Variants in PRPSAP2 observed in about 807,000 individuals in gnomAD.
PRPSAP2 encodes the protein phosphoribosyl pyrophosphate synthetase associated protein 2, also known as phosphoribosyl pyrophosphate synthase-associated protein 2.
Under a neutral mutation model 40.6 loss-of-function variants are expected in PRPSAP2, and 24 were observed. The ratio of observed to expected loss-of-function variants is 0.59; its 90% CI spans 0.43 to 0.83. The LOEUF (loss-of-function observed/expected upper bound fraction) is 0.83, where lower values mean the gene tolerates loss of function less well. Ranked by LOEUF, PRPSAP2 falls within the 40% of genes least tolerant of loss-of-function variation. The probability of loss-of-function intolerance (pLI) is 0.00; values close to 1 mark genes in which losing one functional copy is unlikely to be tolerated. For missense variants in PRPSAP2, 292 were observed against 465.6 expected (o/e 0.63, Z 3.43); for synonymous variants, 149 against 164.7 (o/e 0.90, Z 0.73).
intron 8 of PRPSAP2, among the ~76,000 whole-genome samples, chr17:18,902,150 C>T (rs148012095): frequency 1.1e-3 from 174 of 152,224 alleles, no homozygotes; most frequent in African/African-American, 4.1e-3. Flanking sequence ...GTTGACTTTC[C>T]CATCTGGGTG....
chr17:18,861,689 C>A (rs184953456), intron 1 of PRPSAP2, among the ~76,000 whole-genome samples: 174 of 152,002 alleles, frequency 1.1e-3, no homozygotes, highest in African/African-American at 3.9e-3. Context: ...GTGTTGCAGG[C>A]CATTTTAAAC....
At chr17:18,875,350 G>A (rs1326675796) in intron 5 of PRPSAP2, among the ~76,000 whole-genome samples, 1 of 151,988 alleles carries the variant, frequency 6.6e-6, no homozygotes, top group Non-Finnish European at 1.5e-5. Flanking sequence ...TATCAGTTGA[G>A]GCCAGGAGTT....
chr17:18,910,435 A>T (rs1177530157), intron 8 of PRPSAP2, among the ~76,000 whole-genome samples: 3 of 152,182 alleles, frequency 2.0e-5, no homozygotes, highest in African/African-American at 7.2e-5. Flanking sequence ...AAAAAAAATC[A>T]GACAAAAAAA....
chr17:18,877,483 G>A (rs984128660), intron 5 of PRPSAP2, among the ~76,000 whole-genome samples: 2 of 152,126 alleles, frequency 1.3e-5, no homozygotes, highest in Admixed American at 1.3e-4. Flanking sequence ...TTGTGGACAC[G>A]CTCCTCTGAG....
intron 8 of PRPSAP2, among the ~76,000 whole-genome samples, chr17:18,906,203 ATTGT>A (rs112612533): frequency 1.6e-4 from 25 of 151,794 alleles, no homozygotes; most frequent in East Asian, 1.2e-3. Flanking sequence ...TGTGTCTGAG[ATTGT>A]TTGTTTGTTT....
upstream of PRPSAP2, chr17:18,858,092 C>G (rs2036716536): frequency 6.6e-6 from 1 of 152,390 alleles, no homozygotes; most frequent in African/African-American, 2.4e-5. Flanking sequence ...GCTGTCCGGG[C>G]TCTAGTCCCG....
intron 8 of PRPSAP2, chr17:18,908,818 CTTT>C: frequency 2.8e-6 from 2 of 717,482 alleles, no homozygotes; most frequent in Admixed American, 3.9e-5. Context: ...GCTAGAAGCT[CTTT>C]TGGTGGAGGA....
At chr17:18,894,275 T>A (rs1303571105) in intron 8 of PRPSAP2, among the ~76,000 whole-genome samples, 1 of 151,892 alleles carries the variant, frequency 6.6e-6, no homozygotes, top group Non-Finnish European at 1.5e-5. Flanking sequence ...TTCTCCTGCC[T>A]CAGTCTTCTG....
At chr17:18,860,565 G>C (rs2036933093) in intron 1 of PRPSAP2, 1 of 152,200 alleles carries the variant, frequency 6.6e-6, no homozygotes, top group Non-Finnish European at 1.5e-5. Flanking sequence ...TTTTTACCAA[G>C]GTTATATCTC....
chr17:18,908,241 T>C, intron 8 of PRPSAP2: 1 of 742,152 alleles, frequency 1.3e-6, no homozygotes. Context: ...TTGAAGCCAG[T>C]GACGACCCAC....
intron 8 of PRPSAP2, 29 bp downstream of exon 8, chr17:18,889,906 G>C: frequency 6.3e-7 from 1 of 1,598,826 alleles, no homozygotes; most frequent in Non-Finnish European, 8.6e-7. Flanking sequence ...ACCTCTTTCT[G>C]GATCTACTTC....
At chr17:18,882,229 A>G (rs2038809276) in intron 6 of PRPSAP2, among the ~76,000 whole-genome samples, 1 of 151,692 alleles carries the variant, frequency 6.6e-6, no homozygotes, top group Non-Finnish European at 1.5e-5. Context: ...AACTGTTTAT[A>G]GGCTGGGTGC....
chr17:18,885,633 G>A (rs928674962), intron 7 of PRPSAP2, among the ~76,000 whole-genome samples: 1 of 151,902 alleles, frequency 6.6e-6, no homozygotes, highest in African/African-American at 2.4e-5. Context: ...TGTTGCCCAG[G>A]CTGGAGTGCA....
In PRPSAP2 at chr17:18,923,909, A is replaced by G. The variant is rs1329349275; in HGVS notation, c.734-5A>G. 1 of 1,611,162 alleles carries G rather than the reference A, an allele frequency of 6.2e-7. No homozygotes were observed. The highest frequency in any genetic ancestry group is 1.3e-5 in the African/African-American group (1 of 74,816). ...ATTTTGGTGTGTGTGTTTTATTCCAACCAGTGCTGATTCCTAAAGAAAAGC... is the reference window on the plus strand; with the variant it reads ...ATTTTGGTGTGTGTGTTTTATTCCAGCCAGTGCTGATTCCTAAAGAAAAGC... On this transcript the variant is annotated splice_polypyrimidine_tract_variant and splice_region_variant and intron_variant, in intron 9 of 11. Coordinates refer to ENST00000268835, the MANE Select transcript of PRPSAP2 (RefSeq NM_002767.4).
rs1294169846 is a variant in PRPSAP2 at position 18,911,524 on chromosome 17, AG to A, written c.733+274del. 6.6e-6 allele frequency among the ~76,000 whole-genome samples: 1 copy of A among 152,206 alleles called. No homozygotes were observed. Among genetic ancestry groups the A allele is most frequent in the African/African-American group, 2.4e-5 (1 of 41,456 alleles). On this transcript the variant is annotated intron_variant, in intron 9 of 11. Coordinates refer to ENST00000268835, the MANE Select transcript of PRPSAP2 (RefSeq NM_002767.4). This position sits in a 1 kb window ranked among gnomAD's most constrained non-coding sequence, Gnocchi z 4.5. ...TTCAGGGAAGTCCATTCATTCATTC[AG>A]CAGTATATACTAGAGTGTAGTTTAA... is the stretch of plus-strand genomic sequence containing the variant.
intron 8 of PRPSAP2, among the ~76,000 whole-genome samples, chr17:18,900,886 T>A (rs4924941): frequency 0.89 from 134,787 of 152,086 alleles, 60,287 homozygotes; most frequent in Middle Eastern, 0.95. Flanking sequence ...GGCACCTCTT[T>A]ACTGCTGAGT....
In PRPSAP2 at chr17:18,930,622, T is replaced by G; in HGVS notation, c.1034T>G (p.Leu345Arg). 1 of 1,613,716 alleles carries G rather than the reference T, an allele frequency of 6.2e-7. No homozygotes were observed. Among genetic ancestry groups the G allele is most frequent in the Non-Finnish European group, 8.5e-7 (1 of 1,179,714 alleles). ...KIKTVDISMI[L>R]SEAIRRIHNG... ...AAAACTGTGGATATCAGCATGATCC[T>G]TTCAGAGGCGATCCGTCGGATCCAC... Residue 345 changes from leucine to arginine, a missense_variant, in exon 12 of 12, where the codon CTT becomes CGT. Transcript: ENST00000268835.
chr17:18,919,585 G>C (rs865967846), intron 9 of PRPSAP2, among the ~76,000 whole-genome samples: 1 of 152,040 alleles, frequency 6.6e-6, no homozygotes, highest in Non-Finnish European at 1.5e-5. Context: ...AGGATCACTT[G>C]AACCCAGGAA....
At chr17:18,860,026 G>C (rs2036885713) in intron 1 of PRPSAP2, among the ~76,000 whole-genome samples, 1 of 151,730 alleles carries the variant, frequency 6.6e-6, no homozygotes, top group African/African-American at 2.4e-5. Context: ...TTACAAGCGT[G>C]AGCCACCATG....
Sources: allele counts gnomAD v4.1 joint callset (sites outside exome capture counted in the v4.1 genomes callset), GRCh38; gene constraint gnomAD v4.1.1; non-coding constraint Gnocchi (gnomAD v3.1); transcripts MANE v1.5; gene names NCBI Gene and HGNC (gene_info 2026-07-23, HGNC 2026-07-21).